SLC9A9: variants seen among roughly 807,000 people sequenced by gnomAD.
The protein encoded by SLC9A9 is solute carrier family 9 member A9.
SLC9A9 carries 62 observed loss-of-function variants against 77.8 expected under a neutral mutation model. The observed-to-expected ratio is 0.80, with a 90% confidence interval of 0.65 to 0.98. SLC9A9 has a LOEUF of 0.98. Ranked by LOEUF, SLC9A9 falls within the 50% of genes least tolerant of loss-of-function variation. SLC9A9 has a pLI of 0.00. For synonymous variants in SLC9A9, 320 were observed against 283.5 expected (o/e 1.13, Z -1.29); for missense variants, 775 against 774.9 (o/e 1.00, Z 0.00).
chr3:143,519,934 G>C (rs1252007686), intron 9 of SLC9A9, among the ~76,000 whole-genome samples: 1 of 152,144 alleles, frequency 6.6e-6, no homozygotes, highest in African/African-American at 2.4e-5. Flanking sequence ...GGGAGGAAAG[G>C]GGGAGGCAAT....
chr3:143,791,752 A>G (rs2007192), intron 4 of SLC9A9, among the ~76,000 whole-genome samples: 48,613 of 151,890 alleles, frequency 0.32, 8,046 homozygotes, highest in African/African-American at 0.39. Context: ...TCTATTCTGA[A>G]TCTCTCCCCC....
intron 9 of SLC9A9, among the ~76,000 whole-genome samples, chr3:143,544,153 G>T (rs1368618722): frequency 6.6e-6 from 1 of 152,096 alleles, no homozygotes; most frequent in East Asian, 1.9e-4. Context: ...ATGTTTCTTG[G>T]CCACTTGTAT....
intron 12 of SLC9A9, among the ~76,000 whole-genome samples, chr3:143,393,592 A>T (rs1009274025): frequency 1.3e-5 from 2 of 152,214 alleles, no homozygotes; most frequent in African/African-American, 4.8e-5. Context: ...GCAAGAAATA[A>T]CTAAGATCAG....
intron 12 of SLC9A9, among the ~76,000 whole-genome samples, chr3:143,417,881 C>T (rs920893177): frequency 2.6e-5 from 4 of 152,018 alleles, no homozygotes; most frequent in African/African-American, 9.7e-5. Flanking sequence ...TACAGAGCCT[C>T]TAAGGAGTAT....
chr3:143,338,935 T>C (rs2032008061), intron 14 of SLC9A9, among the ~76,000 whole-genome samples: 1 of 152,218 alleles, frequency 6.6e-6, no homozygotes, highest in Non-Finnish European at 1.5e-5. Flanking sequence ...ACTTATTACA[T>C]AAAAGAATGT....
chr3:143,571,085 C>T (rs2037250424), intron 8 of SLC9A9, among the ~76,000 whole-genome samples: 1 of 152,030 alleles, frequency 6.6e-6, no homozygotes, highest in Admixed American at 6.6e-5. Flanking sequence ...GGCCGAGAGC[C>T]CTGCTCACTA....
rs995166927 is a variant in SLC9A9, at chr3:143,789,777, C to T, written c.533+5224G>A. On this transcript the variant is annotated intron_variant, in intron 4 of 15. Coordinates refer to ENST00000316549, the MANE Select transcript of SLC9A9 (RefSeq NM_173653.4). ...TCCACACAGCCCCCTCACTCCTATGCCTCATGGACAGATGGGTAGAGGTGT... is the reference window on the plus strand; with the variant it reads ...TCCACACAGCCCCCTCACTCCTATGTCTCATGGACAGATGGGTAGAGGTGT... Among the ~76,000 whole-genome samples, 8 of 152,256 alleles carry T rather than the reference C, an allele frequency of 5.3e-5. No individual in the cohort carries two copies. In the East Asian group the frequency reaches 1.5e-3, roughly 29 times the overall value.
intron 2 of SLC9A9, among the ~76,000 whole-genome samples, chr3:143,823,622 T>C (rs890092728): frequency 6.6e-5 from 10 of 151,748 alleles, no homozygotes; most frequent in African/African-American, 2.4e-4. Flanking sequence ...AACCCATAAA[T>C]ATATATACCT....
At chr3:143,560,671 A>G (rs373430842) in intron 8 of SLC9A9, among the ~76,000 whole-genome samples, 2 of 152,160 alleles carry the variant, frequency 1.3e-5, no homozygotes, top group African/African-American at 4.8e-5. Context: ...AAAAAATTAC[A>G]TAAAATAAAA....
chr3:143,582,073 A>G (rs2037464904), intron 6 of SLC9A9, among the ~76,000 whole-genome samples: 1 of 152,204 alleles, frequency 6.6e-6, no homozygotes, highest in African/African-American at 2.4e-5. Context: ...GGCTTGCAAA[A>G]GCTCGTTATC....
intron 14 of SLC9A9, among the ~76,000 whole-genome samples, chr3:143,310,548 C>T (rs2030980322): frequency 1.3e-5 from 2 of 151,244 alleles, no homozygotes; most frequent in Non-Finnish European, 1.5e-5. Context: ...AAAAAAAGCC[C>T]GAATTTAGAA....
chr3:143,399,726 A>G (rs1431559333), intron 12 of SLC9A9, among the ~76,000 whole-genome samples: 1 of 152,178 alleles, frequency 6.6e-6, no homozygotes, highest in African/African-American at 2.4e-5. Context: ...TTGGCCTATC[A>G]TTCTAGGAGA....
chr3:143,691,901 G>T (rs1012032478), intron 5 of SLC9A9, among the ~76,000 whole-genome samples: 1 of 152,078 alleles, frequency 6.6e-6, no homozygotes, highest in Non-Finnish European at 1.5e-5. Flanking sequence ...ACTATAGGTT[G>T]TGTTCTGGTA....
chr3:143,617,546 C>G (rs2038127801), intron 6 of SLC9A9, among the ~76,000 whole-genome samples: 1 of 152,190 alleles, frequency 6.6e-6, no homozygotes, highest in Non-Finnish European at 1.5e-5. Flanking sequence ...AAAGAAAATA[C>G]ATTTAACATT....
chr3:143,715,025 T>A (rs986322199), intron 4 of SLC9A9, among the ~76,000 whole-genome samples: 1 of 152,254 alleles, frequency 6.6e-6, no homozygotes, highest in East Asian at 1.9e-4. Context: ...TTTTGCCTGC[T>A]GTCATCCGTG....
chr3:143,761,171 C>T (rs2007108196), intron 4 of SLC9A9, among the ~76,000 whole-genome samples: 1 of 152,172 alleles, frequency 6.6e-6, no homozygotes, highest in Admixed American at 6.5e-5. Flanking sequence ...CCCTTCCTTA[C>T]ACCTTATACA....
intron 5 of SLC9A9, among the ~76,000 whole-genome samples, chr3:143,659,498 G>A (rs1377633935): frequency 6.6e-6 from 1 of 152,162 alleles, no homozygotes; most frequent in African/African-American, 2.4e-5. Flanking sequence ...GACACAAAGG[G>A]ACATTACAGA....
chr3:143,428,387 C>T (rs1258725984), intron 12 of SLC9A9, among the ~76,000 whole-genome samples: 1 of 152,114 alleles, frequency 6.6e-6, no homozygotes, highest in Non-Finnish European at 1.5e-5. Context: ...GATATCACCT[C>T]ACCCCAGTTA....
chr3:143,808,423 T>A (rs964956711), intron 2 of SLC9A9, among the ~76,000 whole-genome samples: 12 of 152,236 alleles, frequency 7.9e-5, no homozygotes, highest in Non-Finnish European at 1.6e-4. Flanking sequence ...TCAATCTAAT[T>A]CTACTAGGTT....
Sources: allele counts gnomAD v4.1 joint callset (sites outside exome capture counted in the v4.1 genomes callset), GRCh38; gene constraint gnomAD v4.1.1; transcripts MANE v1.5; gene names NCBI Gene and HGNC (gene_info 2026-07-23, HGNC 2026-07-21).